Variants in MCF2 observed in about 807,000 individuals in gnomAD.
MCF2 encodes proto-oncogene DBL.
In MCF2, 44 loss-of-function variants were observed where a neutral mutation model predicts 82.5. The observed-to-expected ratio is 0.53, with a 90% CI of 0.42 to 0.69. MCF2 has a LOEUF of 0.69. MCF2 is among the 30% of genes least tolerant of loss of function. The probability of loss-of-function intolerance (pLI) is 0.00; values close to 1 mark genes in which losing one functional copy is unlikely to be tolerated. For synonymous variants in MCF2, 217 were observed against 224.9 expected (o/e 0.96, Z 0.32); for missense variants, 623 against 663.1 (o/e 0.94, Z 0.66).
intron 21 of MCF2, among the ~76,000 whole-genome samples, chrX:139,588,027 C>T (rs1203063798): frequency 9.0e-6 from 1 of 111,176 alleles, no homozygotes; most frequent in Non-Finnish European, 1.9e-5. Context: ...GTAGAACTGG[C>T]TCCCATTCCA....
intron 1 of MCF2, among the ~76,000 whole-genome samples, chrX:139,652,483 A>C (rs912118556): frequency 3.6e-5 from 4 of 111,496 alleles, no homozygotes; most frequent in Non-Finnish European, 7.5e-5. Flanking sequence ...GTAGCATATT[A>C]ACTCATTTTT....
chrX:139,621,023 G>GAGAACCC (rs1159194004), intron 6 of MCF2, among the ~76,000 whole-genome samples: 4 of 111,376 alleles, frequency 3.6e-5, no homozygotes, highest in African/African-American at 1.3e-4. Context: ...GAACAGAATA[G>GAGAACCC]AGAACCCAGA....
At chrX:139,616,966 T>A (rs988964978) in intron 8 of MCF2, among the ~76,000 whole-genome samples, 2 of 111,835 alleles carry the variant, frequency 1.8e-5, no homozygotes, top group Admixed American at 9.5e-5. Context: ...TGTCTGTAAG[T>A]GATACCCCTA....
At chrX:139,648,362 A>G (rs1317862757) in intron 2 of MCF2, among the ~76,000 whole-genome samples, 2 of 109,707 alleles carry the variant, frequency 1.8e-5, no homozygotes, top group Non-Finnish European at 3.8e-5. Context: ...ACAGAGCAAG[A>G]CCCCGTCTCT....
At chrX:139,629,890 G>C in intron 3 of MCF2, 46 bp from the exon 7 acceptor site, 1 of 1,093,432 alleles carries the variant, frequency 9.1e-7, no homozygotes, top group Non-Finnish European at 1.3e-6. Context: ...CACTCTGTGA[G>C]CATATCAAAA....
At position 139,671,714 on chromosome X, in the gene MCF2, T is replaced by A. The variant is rs1201967754; in HGVS notation, c.-44-19926A>T. Among the ~76,000 whole-genome samples the A allele has an allele frequency of 1.1e-4, 12 of 111,950 alleles. No homozygotes were observed. The East Asian group carries it at 3.4e-3, about 31-fold the overall frequency. Reference sequence around the variant, plus strand: ...CAGTACTATGCTGTTTTGGTTACTGTAGCCTTGTAATATAGTTTGAAGACA... The same window carrying A: ...CAGTACTATGCTGTTTTGGTTACTGAAGCCTTGTAATATAGTTTGAAGACA... On this transcript the variant is annotated intron_variant, in intron 1 of 27. Coordinates refer to the MCF2 transcript ENST00000414978.
chrX:139,586,886 C>A (rs1836866726), intron 22 of MCF2, among the ~76,000 whole-genome samples: 1 of 111,026 alleles, frequency 9.0e-6, no homozygotes, highest in Non-Finnish European at 1.9e-5. Context: ...CTGCATAAAA[C>A]CTAAAGATGT....
At position 139,625,949 on chromosome X, in the gene MCF2, G is replaced by T. The variant is rs756188757; in HGVS notation, c.687+244C>A. The stretch of plus-strand genomic sequence containing the variant: ...AAACCCCAAAGTAGAGAGTAACTTT[G>T]TCCCTGTCATATATATTGGCAGTTT... On this transcript the variant is annotated intron_variant, in intron 6 of 24. Coordinates refer to ENST00000370576, the Ensembl canonical transcript of MCF2. 2.7e-5 allele frequency among the ~76,000 whole-genome samples: 3 copies of T among 111,585 alleles called. No homozygotes were observed. The East Asian group carries it at 8.5e-4, about 32-fold the overall frequency.
At chrX:139,665,690 T>C (rs954481225) in intron 1 of MCF2, among the ~76,000 whole-genome samples, 17 of 108,841 alleles carry the variant, frequency 1.6e-4, no homozygotes, top group African/African-American at 5.3e-4. Flanking sequence ...ATTATGTAGA[T>C]AGTTGTTGAA....
At chrX:139,619,997 T>TTGTGTGTGTGTGTGTG (rs57662065) in intron 6 of MCF2, among the ~76,000 whole-genome samples, 12 of 93,415 alleles carry the variant, frequency 1.3e-4, no homozygotes, top group Non-Finnish European at 2.2e-4. Context: ...ATATATACAT[T>TTGTGTGTGTGTGTGTG]TGTGTGTGTG....
At chrX:139,690,155 G>T (rs1935223640) in intron 1 of MCF2, among the ~76,000 whole-genome samples, 1 of 110,799 alleles carries the variant, frequency 9.0e-6, no homozygotes, top group Non-Finnish European at 1.9e-5. Flanking sequence ...TAGGTGTTAT[G>T]ACACATTGTA....
intron 1 of MCF2, among the ~76,000 whole-genome samples, chrX:139,638,747 C>G (rs748137902): frequency 3.1e-4 from 35 of 111,694 alleles, no homozygotes; most frequent in African/African-American, 9.4e-4. Context: ...ACCTCTGAAC[C>G]AAAAAGCTTC....
At chrX:139,598,029 G>A (rs373995187) in intron 17 of MCF2, among the ~76,000 whole-genome samples, 4 of 111,729 alleles carry the variant, frequency 3.6e-5, no homozygotes, top group East Asian at 2.8e-4. Context: ...ATTATACTAG[G>A]GGAGTGCCAT....
chrX:139,663,744 T>C (rs1371946949), intron 1 of MCF2, among the ~76,000 whole-genome samples: 1 of 110,576 alleles, frequency 9.0e-6, no homozygotes, highest in Non-Finnish European at 1.9e-5. Context: ...AGGTGATCTG[T>C]CTAATGCTGA....
chrX:139,621,397 C>T (rs1447976201), intron 6 of MCF2, among the ~76,000 whole-genome samples: 2 of 111,937 alleles, frequency 1.8e-5, no homozygotes, highest in African/African-American at 6.5e-5. Flanking sequence ...AAGCTATCAA[C>T]AGAGTAAACA....
chrX:139,594,373 CAG>C (rs1431218187), intron 19 of MCF2, among the ~76,000 whole-genome samples: 1 of 111,492 alleles, frequency 9.0e-6, no homozygotes, highest in Admixed American at 9.5e-5. Context: ...GGTGCCAAAA[CAG>C]AGATATAGAT....
chrX:139,666,582 C>G (rs1214520939), intron 1 of MCF2, among the ~76,000 whole-genome samples: 4 of 111,402 alleles, frequency 3.6e-5, no homozygotes, highest in Non-Finnish European at 7.5e-5. Flanking sequence ...TGCTGTTAGT[C>G]TGATGCAGTT....
At position 139,664,803 on chromosome X, in the gene MCF2, C is replaced by G. The variant is rs1934461906; in HGVS notation, c.-44-13015G>C. Among the ~76,000 whole-genome samples, 3 of 112,165 alleles carry G rather than the reference C, an allele frequency of 2.7e-5. No homozygotes were observed. The Admixed American group carries it at 2.8e-4, about 11-fold the overall frequency. On this transcript the variant is annotated intron_variant, in intron 1 of 27. Transcript: ENST00000414978. ...TGGGTCTCACTTGAAGCCATCACAT[C>G]TCAGAGTTTCACCCAAGGCCCATGG... is the stretch of plus-strand genomic sequence containing the variant.
At chrX:139,636,630 C>T (rs992550277) in intron 1 of MCF2, among the ~76,000 whole-genome samples, 2 of 111,399 alleles carry the variant, frequency 1.8e-5, no homozygotes, top group Non-Finnish European at 3.8e-5. Flanking sequence ...AGGCCCTGCT[C>T]TCTACTCTGC....
Sources: allele counts gnomAD v4.1 joint callset (sites outside exome capture counted in the v4.1 genomes callset), GRCh38; gene constraint gnomAD v4.1.1; transcripts MANE v1.5; gene names NCBI Gene and HGNC (gene_info 2026-07-23, HGNC 2026-07-21).